ADGRG2: variants seen among roughly 807,000 people sequenced by gnomAD.
ADGRG2 encodes adhesion G protein-coupled receptor G2, also known as G protein-coupled receptor 64.
Under a neutral mutation model 74.1 loss-of-function variants are expected in ADGRG2, and 26 were observed. The observed-to-expected ratio is 0.35, with a 90% CI of 0.26 to 0.49. The LOEUF is 0.49. Ranked by LOEUF, ADGRG2 falls within the 20% of genes least tolerant of loss-of-function variation. The pLI is 0.99. For synonymous variants in ADGRG2, 296 were observed against 295.2 expected (o/e 1.00, Z -0.03); for missense variants, 619 against 763.1 (o/e 0.81, Z 2.22).
chrX:19,106,367 C>T (rs1569149471), intron 1 of ADGRG2, among the ~76,000 whole-genome samples: 1 of 110,313 alleles, frequency 9.1e-6, no homozygotes, highest in Non-Finnish European at 1.9e-5. Flanking sequence ...GATGTTGAAA[C>T]AGACACCTAG....
intron 1 of ADGRG2, among the ~76,000 whole-genome samples, chrX:19,113,768 T>C (rs2062457220): frequency 1.8e-5 from 2 of 112,094 alleles, no homozygotes; most frequent in Non-Finnish European, 1.9e-5. Flanking sequence ...TTTAAAATTA[T>C]TTCCAAATAA....
chrX:19,105,354 G>A (rs1255184456), intron 1 of ADGRG2, among the ~76,000 whole-genome samples: 1 of 112,315 alleles, frequency 8.9e-6, no homozygotes, highest in Non-Finnish European at 1.9e-5. Context: ...GTCATGCAGT[G>A]GAATATTATT....
Position 19,009,665 on chromosome X carries a change from G to A in ADGRG2, c.1383C>T (p.Asn461=). The change falls in exon 18 of 29, where the codon AAC becomes AAT. Residue 461 remains asparagine (N), a synonymous_variant. Coordinates refer to ENST00000379869, the MANE Select transcript of ADGRG2 (RefSeq NM_001079858.3). ...GGTCTTGGGCCACAAAGGTAGTTGT[G>A]TTGAAACTACTGGCATTCACTCTGA... The part of the protein sequence containing the change: ...AVIRVNASSF[N]TTTFVAQDPA... 1 of 1,206,446 alleles carries A rather than the reference G, an allele frequency of 8.3e-7. No individual in the cohort carries two copies. The highest frequency in any genetic ancestry group is 1.1e-6 in the Non-Finnish European group (1 of 890,582).
chrX:19,061,241 G>T (rs370342854), intron 3 of ADGRG2, among the ~76,000 whole-genome samples: 1 of 111,666 alleles, frequency 9.0e-6, no homozygotes, highest in Non-Finnish European at 1.9e-5. Flanking sequence ...GTAAGCTGAG[G>T]GGGGGCCCAC....
intron 3 of ADGRG2, among the ~76,000 whole-genome samples, chrX:19,050,182 C>CAGTGGG (rs769952689): frequency 1.6e-4 from 18 of 111,411 alleles, no homozygotes; most frequent in Non-Finnish European, 2.8e-4. Context: ...TTGTTGTGGA[C>CAGTGGG]AGTGGGAGCT....
chrX:19,096,025 T>A (rs2062090142), intron 1 of ADGRG2, among the ~76,000 whole-genome samples: 1 of 108,323 alleles, frequency 9.2e-6, no homozygotes, highest in Non-Finnish European at 1.9e-5. Flanking sequence ...TCTCAAAAAA[T>A]TAAATTAAAA....
chrX:19,037,571 A>AT lies in ADGRG2; in HGVS notation c.202+17dup. 1 of 1,167,037 alleles carries AT rather than the reference A, an allele frequency of 8.6e-7. No homozygotes were observed. Among genetic ancestry groups the AT allele is most frequent in the East Asian group, 3.1e-5 (1 of 32,747 alleles). On this transcript the variant is annotated intron_variant, in intron 5 of 28. Coordinates refer to ENST00000379869, the MANE Select transcript of ADGRG2 (RefSeq NM_001079858.3). Reference sequence around the variant, plus strand: ...CAAATTGGACTAAATCTAGGTTTAAATTTTTTCAAAATCTTGCCTGGAGTA... The same window carrying AT: ...CAAATTGGACTAAATCTAGGTTTAAATTTTTTTCAAAATCTTGCCTGGAGTA...
At chrX:19,059,300 T>C (rs2061449066) in intron 3 of ADGRG2, among the ~76,000 whole-genome samples, 1 of 112,071 alleles carries the variant, frequency 8.9e-6, no homozygotes, top group Admixed American at 9.4e-5. Context: ...CCACCTCCAC[T>C]TTCCAGCTGT....
Position 19,010,628 on chromosome X carries a change from G to A in ADGRG2, c.1250C>T (p.Ala417Val). 1 of 1,207,106 alleles carries A rather than the reference G, an allele frequency of 8.3e-7. No individual in the cohort carries two copies. The highest frequency in any genetic ancestry group is 1.1e-6 in the Non-Finnish European group (1 of 892,957). ...RLLHSPPDML[A>V]PLAQRLLKVV... ...GAAGTCGTACCTTTGAGCCAGAGGGGCCAGCATGTCAGGCGGGGAATGAAG... is the reference window on the plus strand; with the variant it reads ...GAAGTCGTACCTTTGAGCCAGAGGGACCAGCATGTCAGGCGGGGAATGAAG... The change falls in exon 17 of 29, where the codon GCC (alanine) becomes GTC (valine). Residue 417 changes from alanine to valine, a missense_variant. Ala to Val is a moderately conservative substitution (Grantham distance 64). This residue lies in a region of ADGRG2 where 292 missense variants were observed against 318.0 expected (regional missense o/e 0.92). Coordinates refer to ENST00000379869, the MANE Select transcript of ADGRG2 (RefSeq NM_001079858.3).
chrX:19,084,917 G>C (rs1402628167), intron 1 of ADGRG2, among the ~76,000 whole-genome samples: 2 of 112,646 alleles, frequency 1.8e-5, no homozygotes, highest in Non-Finnish European at 1.9e-5. Flanking sequence ...CAAAGCTGGA[G>C]AGCATGTGGG....
intron 3 of ADGRG2, among the ~76,000 whole-genome samples, chrX:19,060,195 G>A (rs2061467220): frequency 8.9e-6 from 1 of 112,435 alleles, no homozygotes; most frequent in Non-Finnish European, 1.9e-5. Context: ...TCAATGAAGA[G>A]CAAGGCAAGG....
At chrX:19,072,863 C>T (rs2061676399) in intron 2 of ADGRG2, among the ~76,000 whole-genome samples, 1 of 111,035 alleles carries the variant, frequency 9.0e-6, no homozygotes, top group Non-Finnish European at 1.9e-5. Context: ...CCTATTAGGT[C>T]ATAAAGTCTC....
intron 2 of ADGRG2, among the ~76,000 whole-genome samples, chrX:19,082,249 A>T (rs2061864426): frequency 9.0e-6 from 1 of 111,257 alleles, no homozygotes; most frequent in Non-Finnish European, 1.9e-5. Context: ...CACTTAGGTC[A>T]GAGAGAGAAC....
chrX:19,038,639 A>G (rs2060992124), intron 4 of ADGRG2, among the ~76,000 whole-genome samples: 1 of 111,767 alleles, frequency 8.9e-6, no homozygotes, highest in African/African-American at 3.3e-5. Flanking sequence ...CCGAATGTTG[A>G]TGAATGGTGA....
At chrX:19,072,692 T>G (rs2061674077) in intron 2 of ADGRG2, among the ~76,000 whole-genome samples, 1 of 111,170 alleles carries the variant, frequency 9.0e-6, no homozygotes, top group Non-Finnish European at 1.9e-5. Flanking sequence ...ACCCCAGCAA[T>G]CATCTTGAAA....
chrX:19,009,806 ATTATTTAT>A, intron 17 of ADGRG2, 24 bp from the exon 18 acceptor site: 2 of 1,122,093 alleles, frequency 1.8e-6, no homozygotes, highest in Non-Finnish European at 2.4e-6. Flanking sequence ...TTGGCAGTTT[ATTATTTAT>A]TTATTTATTT....
chrX:19,112,936 G>A (rs1397616366), intron 1 of ADGRG2, among the ~76,000 whole-genome samples: 3 of 90,696 alleles, frequency 3.3e-5, no homozygotes, highest in Admixed American at 2.6e-4. Context: ...CCAGCCTGGC[G>A]ACAGGGTGAG....
At chrX:19,012,438 G>A (rs1350630042) in intron 16 of ADGRG2, among the ~76,000 whole-genome samples, 2 of 110,380 alleles carry the variant, frequency 1.8e-5, no homozygotes, top group Non-Finnish European at 3.8e-5. Context: ...ATCAGCCATT[G>A]GACCTTCCTT....
chrX:19,099,155 G>A (rs941743914), intron 1 of ADGRG2, among the ~76,000 whole-genome samples: 1 of 110,685 alleles, frequency 9.0e-6, no homozygotes, highest in African/African-American at 3.3e-5. Context: ...CTGCACTCCA[G>A]CCTGGGCGAT....
Sources: gnomAD v4.1 joint callset for allele counts (sites outside exome capture counted in the v4.1 genomes callset) on GRCh38, gnomAD v4.1.1 for gene constraint, gnomAD v4.1.1 regional missense constraint, MANE v1.5 for transcripts, NCBI Gene and HGNC (gene_info 2026-07-23, HGNC 2026-07-21) for gene names.